Variants in LRP1B observed in about 807,000 individuals in gnomAD.
LRP1B encodes LDL receptor related protein 1B, also known as low-density lipoprotein receptor-related protein 1B.
A neutral mutation model predicts 556.6 loss-of-function variants in LRP1B; 217 were observed. The ratio of observed to expected loss-of-function variants is 0.39; its 90% CI spans 0.35 to 0.44. LRP1B has a LOEUF of 0.44. LRP1B is among the 20% of genes least tolerant of loss of function. LRP1B has a pLI of 1.00. For synonymous variants in LRP1B, 2,047 were observed against 1,865.8 expected (o/e 1.10, Z -2.50); for missense variants, 5,053 against 5,620.8 (o/e 0.90, Z 3.23).
At chr2:141,180,271 C>T (rs1396266937) in intron 7 of LRP1B, among the ~76,000 whole-genome samples, 4 of 150,624 alleles carry the variant, frequency 2.7e-5, no homozygotes, top group African/African-American at 9.8e-5. Flanking sequence ...CTGAGTGATA[C>T]AAGAATGTTG....
intron 10 of LRP1B, among the ~76,000 whole-genome samples, chr2:141,051,730 C>T (rs1011793994): frequency 5.1e-4 from 78 of 152,032 alleles, no homozygotes; most frequent in African/African-American, 1.9e-3. Context: ...TAGTGTATTT[C>T]CCAGCAGCAG....
At chr2:140,492,886 C>T (rs1490314581) in intron 56 of LRP1B, among the ~76,000 whole-genome samples, 193 bp from the exon 57 acceptor site, 2 of 152,136 alleles carry the variant, frequency 1.3e-5, no homozygotes, top group Non-Finnish European at 2.9e-5. Flanking sequence ...CCAGGCAGTA[C>T]AGAAAATTTA....
At chr2:140,345,541 A>G (rs1211618501) in intron 77 of LRP1B, among the ~76,000 whole-genome samples, 1 of 150,110 alleles carries the variant, frequency 6.7e-6, no homozygotes, top group Non-Finnish European at 1.5e-5. Flanking sequence ...CCTCCTTTCT[A>G]TTCTTACTGG....
chr2:141,751,286 A>C (rs959909940), intron 2 of LRP1B, among the ~76,000 whole-genome samples: 3 of 152,106 alleles, frequency 2.0e-5, no homozygotes, highest in African/African-American at 7.2e-5. Context: ...AAAATTTCAG[A>C]AAAAAAGCCA....
chr2:140,971,707 G>C (rs190074367), intron 18 of LRP1B, among the ~76,000 whole-genome samples: 4 of 152,078 alleles, frequency 2.6e-5, no homozygotes, highest in African/African-American at 9.7e-5. Flanking sequence ...GGTGGCGGGC[G>C]CCTGTAGTCC....
intron 2 of LRP1B, among the ~76,000 whole-genome samples, chr2:141,595,176 A>G (rs1687474451): frequency 6.6e-6 from 1 of 152,158 alleles, no homozygotes; most frequent in Non-Finnish European, 1.5e-5. Flanking sequence ...AAATTAGAAG[A>G]TGAAATATAA....
chr2:141,511,728 G>T (rs1460661774), intron 2 of LRP1B, among the ~76,000 whole-genome samples: 1 of 152,060 alleles, frequency 6.6e-6, no homozygotes, highest in Non-Finnish European at 1.5e-5. Flanking sequence ...CAATATTTTT[G>T]GTGAGTCCTA....
intron 3 of LRP1B, among the ~76,000 whole-genome samples, chr2:141,459,922 T>C (rs185147977): frequency 8.6e-4 from 131 of 152,264 alleles, no homozygotes; most frequent in South Asian, 2.5e-3. Flanking sequence ...CAGGAAAATA[T>C]GATGTTGTGG....
At chr2:141,674,840 A>C (rs1479215562) in intron 2 of LRP1B, among the ~76,000 whole-genome samples, 1 of 152,034 alleles carries the variant, frequency 6.6e-6, no homozygotes, top group South Asian at 2.1e-4. Flanking sequence ...ATCAAAGGAC[A>C]TGTACATTAG....
At chr2:140,894,983 C>A (rs1444437374) in intron 23 of LRP1B, among the ~76,000 whole-genome samples, 1 of 151,328 alleles carries the variant, frequency 6.6e-6, no homozygotes, top group Non-Finnish European at 1.5e-5. Context: ...GATGTAAATG[C>A]CACAGTAATC....
At chr2:141,912,741 C>A (rs1699936527) in intron 1 of LRP1B, among the ~76,000 whole-genome samples, 1 of 152,148 alleles carries the variant, frequency 6.6e-6, no homozygotes, top group Non-Finnish European at 1.5e-5. Flanking sequence ...GAAAGTTCAT[C>A]TTTTTATCAT....
intron 2 of LRP1B, among the ~76,000 whole-genome samples, chr2:141,788,512 T>G (rs537190259): frequency 1.1e-4 from 16 of 152,178 alleles, no homozygotes; most frequent in African/African-American, 3.1e-4. Context: ...ACTATTATTC[T>G]TTTTTATTCA....
At chr2:141,547,734 C>T (rs568308956) in intron 2 of LRP1B, among the ~76,000 whole-genome samples, 1 of 152,256 alleles carries the variant, frequency 6.6e-6, no homozygotes, top group South Asian at 2.1e-4. Context: ...TCATAATCTC[C>T]TCAATGATCC....
At chr2:140,564,169 C>T (rs894420876) in intron 43 of LRP1B, among the ~76,000 whole-genome samples, 2 of 152,024 alleles carry the variant, frequency 1.3e-5, no homozygotes, top group Admixed American at 6.5e-5. Context: ...AATACAATGC[C>T]ACATTACAAT....
chr2:141,315,216 A>T (rs79303252), intron 3 of LRP1B, among the ~76,000 whole-genome samples: 17,180 of 148,484 alleles, frequency 0.12, 1,348 homozygotes, highest in African/African-American at 0.2. Flanking sequence ...AAAGTCTACC[A>T]ATCAAGATTG....
chr2:140,951,228 G>A (rs1695705587), intron 19 of LRP1B, among the ~76,000 whole-genome samples: 1 of 151,746 alleles, frequency 6.6e-6, no homozygotes, highest in Non-Finnish European at 1.5e-5. Flanking sequence ...CTCCTCCTTG[G>A]CTCCTCTGTA....
rs1707046112 is a variant in LRP1B, at chr2:142,112,720, T to G, written c.82+17928A>C. On this transcript the variant is annotated intron_variant, in intron 1 of 90. Coordinates refer to ENST00000389484, the MANE Select transcript of LRP1B (RefSeq NM_018557.3). ...GTGTTTAAGCCTCTTCTCCCCAGGA[T>G]TCTATCTTCTACTCTTCGAATTGGT... Among the ~76,000 whole-genome samples, 7 of 152,220 alleles carry G rather than the reference T, an allele frequency of 4.6e-5. No individual in the cohort carries two copies. In the South Asian group the frequency reaches 1.5e-3, roughly 32 times the overall value.
chr2:141,888,670 A>T (rs940673086), intron 1 of LRP1B, among the ~76,000 whole-genome samples: 1 of 152,218 alleles, frequency 6.6e-6, no homozygotes, highest in African/African-American at 2.4e-5. Flanking sequence ...ATATGGAGAG[A>T]TGAAACCAAG....
chr2:141,928,029 A>G (rs538504982), intron 1 of LRP1B, among the ~76,000 whole-genome samples: 6 of 151,524 alleles, frequency 4.0e-5, no homozygotes, highest in Admixed American at 3.9e-4. Flanking sequence ...CTTCCTGTTT[A>G]CAGCTGTCTA....
Sources: gnomAD v4.1 joint callset for allele counts (sites outside exome capture counted in the v4.1 genomes callset) on GRCh38, gnomAD v4.1.1 for gene constraint, MANE v1.5 for transcripts, NCBI Gene and HGNC (gene_info 2026-07-23, HGNC 2026-07-21) for gene names.